The following ADAMTS14 variants were observed in gnomAD, a reference collection of about 807,000 sequenced individuals.
ADAMTS14 encodes the protein ADAM metallopeptidase with thrombospondin type 1 motif 14, also known as A disintegrin and metalloproteinase with thrombospondin motifs 14.
Under a neutral mutation model 128.6 loss-of-function variants are expected in ADAMTS14, and 100 were observed. The ratio of observed to expected loss-of-function variants is 0.78; its 90% CI spans 0.66 to 0.92. The LOEUF (loss-of-function observed/expected upper bound fraction) is 0.92, where lower values mean the gene tolerates loss of function less well. Ranked by LOEUF, ADAMTS14 falls within the 40% of genes least tolerant of loss-of-function variation. The probability of loss-of-function intolerance (pLI) is 0.00; values close to 1 mark genes in which losing one functional copy is unlikely to be tolerated. For synonymous variants in ADAMTS14, 665 were observed against 653.8 expected, an observed-to-expected ratio of 1.02 and a Z score of -0.26; for missense variants, 1,562 against 1,658.6, an observed-to-expected ratio of 0.94 and a Z score of 1.01.
intron 4 of ADAMTS14, among the ~76,000 whole-genome samples, chr10:70,712,450 C>T (rs1205628099): frequency 6.6e-6 from 1 of 152,154 alleles, no homozygotes; most frequent in Non-Finnish European, 1.5e-5. Flanking sequence ...TAAAAATGAA[C>T]ATATGTTAAA....
chr10:70,756,291 A>G (rs1391895872), intron 19 of ADAMTS14, among the ~76,000 whole-genome samples: 1 of 152,194 alleles, frequency 6.6e-6, no homozygotes, highest in Non-Finnish European at 1.5e-5. Flanking sequence ...GAAATATTGC[A>G]TTATGAATAT....
chr10:70,738,959 C>T lies in ADAMTS14; in HGVS notation c.1717C>T (p.Arg573Ter), dbSNP rs1564549162. The T allele has an allele frequency of 1.1e-5, 18 of 1,612,560 alleles. No homozygotes were observed. Among genetic ancestry groups the T allele is most frequent in the Non-Finnish European group, 1.5e-5 (18 of 1,179,128 alleles). The change falls in exon 11 of 22, where the codon CGA becomes TGA. Residue 573 changes from arginine (R) to a stop codon, truncating the protein, a stop_gained. Coordinates refer to ENST00000373207, the MANE Select transcript of ADAMTS14 (RefSeq NM_080722.4). LOFTEE classifies it high-confidence loss of function. ...SCSRSCGGGV[R>*]SRSRSCNNPS... ...TTCGCGGTCATGTGGGGGCGGGGTG[C>T]GATCCCGCAGCCGGAGCTGCAACAA...
rs1248311719 is a variant in ADAMTS14, at chr10:70,751,483, C to T, written c.2433C>T (p.Leu811=). The T allele has an allele frequency of 1.2e-6, 2 of 1,603,602 alleles. No individual in the cohort carries two copies. The highest frequency in any genetic ancestry group is 1.7e-5 in the Admixed American group (1 of 59,848). The part of the protein sequence containing the change: ...PLPEAIAILA[L]PPTEGGPRSS... ...AGCTCCCCATCTCCCCTCAGGCTCT[C>T]CCCCCAACTGAGGGTGGCCCCCGCA... Residue 811 remains leucine, a synonymous_variant, in exon 17 of 22, where the codon CTC becomes CTT. Transcript: ENST00000373207.
At chr10:70,697,154 C>T (rs999588549) in intron 2 of ADAMTS14, among the ~76,000 whole-genome samples, 5 of 152,232 alleles carry the variant, frequency 3.3e-5, no homozygotes, top group African/African-American at 9.6e-5. Context: ...TGCTCTGCTA[C>T]TTTCTCCTCT....
chr10:70,708,077 C>T (rs185926032), intron 3 of ADAMTS14, among the ~76,000 whole-genome samples: 1 of 152,324 alleles, frequency 6.6e-6, no homozygotes, highest in East Asian at 1.9e-4. Flanking sequence ...GGGTCACTGA[C>T]AGTTCTTGGG....
intron 4 of ADAMTS14, among the ~76,000 whole-genome samples, chr10:70,711,722 G>A (rs1840866032): frequency 6.6e-6 from 1 of 151,454 alleles, no homozygotes; most frequent in Non-Finnish European, 1.5e-5. Flanking sequence ...TTTCTTTTTA[G>A]GAACCCCAAC....
In ADAMTS14 at chr10:70,728,749, G is replaced by T. The variant is rs187455613; in HGVS notation, c.871-545G>T. ...GCAGATCCTTATTCAGGAGGCCTGG[G>T]GTGGGGCCCAAGACTCTGCATTTCT... On this transcript the variant is annotated intron_variant, in intron 4 of 21. Transcript: ENST00000373207. 1.4e-3 allele frequency among the ~76,000 whole-genome samples: 220 copies of T among 152,374 alleles called. 1 individual carries two copies. Among genetic ancestry groups the T allele is most frequent in the African/African-American group, 5.1e-3 (214 of 41,592 alleles).
intron 11 of ADAMTS14, among the ~76,000 whole-genome samples, chr10:70,740,629 G>A (rs1234122381): frequency 6.6e-6 from 1 of 152,190 alleles, no homozygotes; most frequent in Non-Finnish European, 1.5e-5. Context: ...CTATGCCAGG[G>A]CCTGCAAAAC....
Position 70,703,582 on chromosome 10 carries a change from T to G in ADAMTS14, c.679+1114T>G, listed in dbSNP as rs553277178. Among the ~76,000 whole-genome samples, 4 of 152,320 alleles carry G rather than the reference T, an allele frequency of 2.6e-5. No individual in the cohort carries two copies. In the South Asian group the frequency reaches 8.3e-4, roughly 32 times the overall value. ...CACTGGCGTGGATTTCAGGGCACCC[T>G]TCTCTCCACCAGGGTTGAGAAGAGG... is the stretch of plus-strand genomic sequence containing the variant. On this transcript the variant is annotated intron_variant, in intron 3 of 21. Coordinates refer to ENST00000373207, the MANE Select transcript of ADAMTS14 (RefSeq NM_080722.4).
Position 70,738,946 on chromosome 10 carries a change from T to A in ADAMTS14, c.1704T>A (p.Cys568Ter). The A allele has an allele frequency of 6.2e-7, 1 of 1,611,876 alleles. No individual in the cohort carries two copies. The highest frequency in any genetic ancestry group is 8.5e-7 in the Non-Finnish European group (1 of 1,178,982). ...WTKFGSCSRS[C>*]GGGVRSRSRS... is the part of the protein sequence containing the mutation. The stretch of plus-strand genomic sequence containing the variant: ...AGTTTGGGTCATGTTCGCGGTCATG[T>A]GGGGGCGGGGTGCGATCCCGCAGCC... The change falls in exon 11 of 22, where the codon TGT becomes TGA. Residue 568 changes from cysteine to a stop codon, truncating the protein, a stop_gained. Coordinates refer to ENST00000373207, the MANE Select transcript of ADAMTS14 (RefSeq NM_080722.4). LOFTEE classifies it high-confidence loss of function.
chr10:70,728,607 ATGAGCTG>A (rs747285765), intron 4 of ADAMTS14, among the ~76,000 whole-genome samples: 51 of 152,212 alleles, frequency 3.4e-4, no homozygotes, highest in Non-Finnish European at 6.0e-4. Flanking sequence ...GCATTCTTTG[ATGAGCTG>A]TGCAGGGCAC....
chr10:70,727,848 C>T (rs554590130), intron 4 of ADAMTS14, among the ~76,000 whole-genome samples: 4 of 152,320 alleles, frequency 2.6e-5, no homozygotes, highest in Admixed American at 6.5e-5. Context: ...GTAATCCCAG[C>T]ACTTTGGGAG....
rs537968826 is a variant in ADAMTS14, at chr10:70,724,735, C to A, written c.871-4559C>A. Among the ~76,000 whole-genome samples, 4 of 152,000 alleles carry A rather than the reference C, an allele frequency of 2.6e-5. No individual in the cohort carries two copies. In the South Asian group the frequency reaches 6.3e-4, roughly 24 times the overall value. On this transcript the variant is annotated intron_variant, in intron 4 of 21. Transcript: ENST00000373207. ...GTGTGTGCAGATGAGCGTACCAGGG[C>A]GCCAGAGGACTGCAACAGGGGACTT...
At position 70,672,797 on chromosome 10, in the gene ADAMTS14, G is replaced by T; in HGVS notation, c.-6G>T. On this transcript the variant is annotated 5_prime_UTR_variant, in exon 1 of 22. Transcript: ENST00000373207. Reference sequence around the variant, plus strand: ...GCTTGCCCAGCCCGCGTCCCAGCGCGGCCACATGGCTCCACTCCGCGCGCT... The same window carrying T: ...GCTTGCCCAGCCCGCGTCCCAGCGCTGCCACATGGCTCCACTCCGCGCGCT... The T allele has an allele frequency of 1.3e-6, 2 of 1,502,430 alleles. No individual in the cohort carries two copies. The highest frequency in any genetic ancestry group is 2.2e-5 in the Admixed American group (1 of 46,124). The allele number at this position is 1,502,430 out of a possible 1,614,324, so 93.1% of individuals were successfully genotyped here. A position where few individuals can be genotyped will look rare whatever the true frequency, so the allele number is the denominator to read the frequency against.
intron 2 of ADAMTS14, among the ~76,000 whole-genome samples, chr10:70,698,734 G>A (rs1039612944): frequency 2.0e-5 from 3 of 152,216 alleles, no homozygotes; most frequent in Non-Finnish European, 4.4e-5. Context: ...CTCAGATTAC[G>A]TAGGACAGGG....
At chr10:70,680,423 A>T (rs528337986) in intron 2 of ADAMTS14, among the ~76,000 whole-genome samples, 136 of 152,360 alleles carry the variant, frequency 8.9e-4, no homozygotes, top group African/African-American at 3.2e-3. Flanking sequence ...ATAAATAAAA[A>T]AAATAAAATA....
Position 70,743,694 on chromosome 10 carries a change from C to T in ADAMTS14, c.2058+13C>T, listed in dbSNP as rs1842080313. 6.4e-7 allele frequency: 1 copy of T among 1,560,074 alleles called. No homozygotes were observed. Among genetic ancestry groups the T allele is most frequent in the Non-Finnish European group, 8.7e-7 (1 of 1,151,714 alleles). ...TGGCGAGTGTGTGGTGGGTGCACCC[C>T]CAGCCACCCCGACTACCGGCACAGG... On this transcript the variant is annotated intron_variant, in intron 13 of 21. Transcript: ENST00000373207.
At chr10:70,749,235 T>C (rs543351887) in intron 15 of ADAMTS14, among the ~76,000 whole-genome samples, 2 of 152,326 alleles carry the variant, frequency 1.3e-5, no homozygotes, top group East Asian at 3.9e-4. Context: ...TTATGAACTC[T>C]TCTCGTTGTC....
chr10:70,749,608 AGTGT>A (rs72483126), intron 15 of ADAMTS14, among the ~76,000 whole-genome samples: 21,924 of 147,762 alleles, frequency 0.15, 2,167 homozygotes, highest in East Asian at 0.55. Flanking sequence ...AGGCAGCAAG[AGTGT>A]GTGTGTGTGT....
Sources: gnomAD v4.1 joint callset for allele counts (sites outside exome capture counted in the v4.1 genomes callset) on GRCh38, gnomAD v4.1.1 for gene constraint, MANE v1.5 for transcripts, NCBI Gene and HGNC (gene_info 2026-07-23, HGNC 2026-07-21) for gene names.